Variants in MAP3K4 observed in about 807,000 individuals in gnomAD.
The protein encoded by MAP3K4 is mitogen-activated protein kinase kinase kinase 4.
In MAP3K4, 67 loss-of-function variants were observed where a neutral mutation model predicts 185.6. That is an observed-to-expected ratio of 0.36 (90% CI 0.30 to 0.44). MAP3K4 has a LOEUF of 0.44. Among genes scored for constraint, MAP3K4 ranks in the 20% least tolerant of loss-of-function variants. MAP3K4 has a pLI of 1.00. For synonymous variants in MAP3K4, 702 were observed against 710.4 expected (o/e 0.99, Z 0.19); for missense variants, 1,551 against 1,995.1 (o/e 0.78, Z 4.24).
chr6:161,004,237 A>G (rs926121687), intron 1 of MAP3K4, among the ~76,000 whole-genome samples: 1 of 152,150 alleles, frequency 6.6e-6, no homozygotes, highest in Non-Finnish European at 1.5e-5. Context: ...ATTTAAAAAC[A>G]AAGCTGAAAT....
rs144908327 is a variant in MAP3K4 at position 161,065,425 on chromosome 6, C to T, written c.1708-5183C>T. The stretch of plus-strand genomic sequence containing the variant: ...TCCTGCACTGCACTGTCCCTTTCTC[C>T]GCTCACTGGTTTTATTGTAATAATT... On this transcript the variant is annotated intron_variant, in intron 3 of 26. Transcript: ENST00000392142. Among the ~76,000 whole-genome samples the T allele has an allele frequency of 3.3e-5, 5 of 152,232 alleles. No individual in the cohort carries two copies. The East Asian group carries it at 5.8e-4, about 18-fold the overall frequency.
chr6:161,014,710 A>T (rs1782004563), intron 1 of MAP3K4, among the ~76,000 whole-genome samples: 1 of 152,184 alleles, frequency 6.6e-6, no homozygotes, highest in African/African-American at 2.4e-5. Flanking sequence ...AGAGAACTAT[A>T]ACAGTAGGGC....
Position 161,077,598 on chromosome 6 carries a change from G to T in MAP3K4, c.2098-3283G>T, listed in dbSNP as rs1250195228. Among the ~76,000 whole-genome samples the T allele has an allele frequency of 6.6e-6, 1 of 152,184 alleles. No individual in the cohort carries two copies. Among genetic ancestry groups the T allele is most frequent in the Non-Finnish European group, 1.5e-5 (1 of 68,030 alleles). On this transcript the variant is annotated intron_variant, in intron 5 of 26. Coordinates refer to ENST00000392142, the MANE Select transcript of MAP3K4 (RefSeq NM_005922.4). This position sits in a 1 kb window ranked among gnomAD's most constrained non-coding sequence, Gnocchi z 4.3. The stretch of plus-strand genomic sequence containing the variant: ...GCAGATGTGAGAGGAACAGTTCAAG[G>T]CCATTCCAGGAATGCACATGCAAGT...
In MAP3K4 at chr6:161,082,770, G is replaced by C. The variant is rs1162691702; in HGVS notation, c.2256-1731G>C. The stretch of plus-strand genomic sequence containing the variant: ...GCACTCCACACTTCCACTCTTCCCA[G>C]GTTGTCATTTCTCACGTATGTTATT... On this transcript the variant is annotated intron_variant, in intron 6 of 26. Transcript: ENST00000392142. This position sits in a 1 kb window ranked among gnomAD's most constrained non-coding sequence, Gnocchi z 4.2. Among the ~76,000 whole-genome samples, 1 of 152,172 alleles carries C rather than the reference G, an allele frequency of 6.6e-6. No homozygotes were observed. Among genetic ancestry groups the C allele is most frequent in the East Asian group, 1.9e-4 (1 of 5,168 alleles).
rs779488148 is a variant in MAP3K4, at chr6:161,106,265, G to A, written c.3857-249G>A. Among the ~76,000 whole-genome samples the A allele has an allele frequency of 2.0e-5, 3 of 152,122 alleles. No homozygotes were observed. Among genetic ancestry groups the A allele is most frequent in the Non-Finnish European group, 4.4e-5 (3 of 68,020 alleles). ...ATATTACTGCAAGATTTTAGCCAAC[G>A]TTCTTGGGAAAGGAAATCATTTTTG... On this transcript the variant is annotated intron_variant, in intron 19 of 26. Coordinates refer to ENST00000392142, the MANE Select transcript of MAP3K4 (RefSeq NM_005922.4). This position sits in a 1 kb window ranked among gnomAD's most constrained non-coding sequence, Gnocchi z 4.9.
At chr6:161,078,477 A>G (rs781179857) in intron 5 of MAP3K4, among the ~76,000 whole-genome samples, 7 of 152,262 alleles carry the variant, frequency 4.6e-5, no homozygotes, top group Non-Finnish European at 8.8e-5. Context: ...TGTGAGTTGC[A>G]GAAAGATGAG....
intron 1 of MAP3K4, among the ~76,000 whole-genome samples, chr6:161,032,459 T>C (rs1782974287): frequency 6.6e-6 from 1 of 152,206 alleles, no homozygotes; most frequent in Non-Finnish European, 1.5e-5. Flanking sequence ...TATTTATAAG[T>C]CTAAGTATTT....
Position 161,108,510 on chromosome 6 carries a change from A to T in MAP3K4, c.4120-233A>T, listed in dbSNP as rs1158018768. 6.6e-6 allele frequency among the ~76,000 whole-genome samples: 1 copy of T among 151,754 alleles called. No homozygotes were observed. Among genetic ancestry groups the T allele is most frequent in the Non-Finnish European group, 1.5e-5 (1 of 67,956 alleles). On this transcript the variant is annotated intron_variant, in intron 21 of 26. Coordinates refer to ENST00000392142, the MANE Select transcript of MAP3K4 (RefSeq NM_005922.4). The surrounding 1 kb of genome is among the most constrained non-coding windows in gnomAD (Gnocchi z 5.7). Reference sequence around the variant, plus strand: ...CGTCCTCCTCCACATGGCGCTCCTCACTCCCTCTCGGAGCAGGGCCTCTTC... The same window carrying T: ...CGTCCTCCTCCACATGGCGCTCCTCTCTCCCTCTCGGAGCAGGGCCTCTTC...
At chr6:161,005,183 G>C (rs889455528) in intron 1 of MAP3K4, among the ~76,000 whole-genome samples, 12 of 150,148 alleles carry the variant, frequency 8.0e-5, no homozygotes, top group African/African-American at 2.7e-4. Flanking sequence ...CTGTTGTCCA[G>C]GCTGGGGTGC....
In MAP3K4 at chr6:161,048,584, T is replaced by C. The variant is rs759196228; in HGVS notation, c.344-32T>C. The C allele has an allele frequency of 8.6e-6, 12 of 1,389,430 alleles. No individual in the cohort carries two copies. Among genetic ancestry groups the C allele is most frequent in the African/African-American group, 1.5e-5 (1 of 68,118 alleles). The allele number at this position is 1,389,430 out of a possible 1,614,324, so 86.1% of individuals were successfully genotyped here. On this transcript the variant is annotated intron_variant, in intron 2 of 26. Transcript: ENST00000392142. The surrounding 1 kb of genome is among the most constrained non-coding windows in gnomAD (Gnocchi z 4.7). Reference sequence around the variant, plus strand: ...AGAGTAGCTTCATATTTTAGAGTTATATAATGTTCTGTTTATTTTTTTTTT... The same window carrying C: ...AGAGTAGCTTCATATTTTAGAGTTACATAATGTTCTGTTTATTTTTTTTTT...
chr6:161,042,771 C>T (rs1349537343), intron 2 of MAP3K4, among the ~76,000 whole-genome samples: 1 of 152,134 alleles, frequency 6.6e-6, no homozygotes, highest in East Asian at 1.9e-4. Flanking sequence ...AGCCAAAACC[C>T]TTTCCAGGGC....
rs773208402 is a variant in MAP3K4, at chr6:161,087,885, C to T, written c.2754C>T (p.Gly918=). 4 of 1,614,004 alleles carry T rather than the reference C, an allele frequency of 2.5e-6. No homozygotes were observed. Among genetic ancestry groups the T allele is most frequent in the South Asian group, 2.2e-5 (2 of 91,072 alleles). Residue 918 remains glycine, a synonymous_variant, in exon 10 of 27, where the codon GGC becomes GGT. Transcript: ENST00000392142. The surrounding 1 kb of genome is among the most constrained non-coding windows in gnomAD (Gnocchi z 4.9). The part of the protein sequence containing the change: ...DRARDSEDSW[G]TWEAQPVKVV... ...CCCGTGATTCAGAGGACAGCTGGGG[C>T]ACCTGGGAGGCACAGCCTGTCAAAG...
At chr6:161,045,268 C>A (rs1480460409) in intron 2 of MAP3K4, among the ~76,000 whole-genome samples, 1 of 152,128 alleles carries the variant, frequency 6.6e-6, no homozygotes, top group Non-Finnish European at 1.5e-5. Context: ...TTGCTCCTTT[C>A]CCAATTTGCT....
chr6:161,045,435 G>C (rs1332785323), intron 2 of MAP3K4, among the ~76,000 whole-genome samples: 2 of 152,176 alleles, frequency 1.3e-5, no homozygotes, highest in African/African-American at 4.8e-5. Context: ...CAGGCTTGCT[G>C]AAATGAGATT....
chr6:161,005,463 A>G (rs770163704), intron 1 of MAP3K4, among the ~76,000 whole-genome samples: 1 of 152,104 alleles, frequency 6.6e-6, no homozygotes, highest in Non-Finnish European at 1.5e-5. Context: ...GTGTTTAATA[A>G]TCAGTGTTTT....
rs1785034262 is a variant in MAP3K4 at position 161,073,404 on chromosome 6, T to A, written c.1951-62T>A. 2 of 1,465,328 alleles carry A rather than the reference T, an allele frequency of 1.4e-6. No individual in the cohort carries two copies. The highest frequency in any genetic ancestry group is 1.8e-6 in the Non-Finnish European group (2 of 1,102,486). 90.8% of individuals were successfully genotyped at this position (1,465,328 alleles called of 1,614,324 possible). A position where few individuals can be genotyped will look rare whatever the true frequency, so the allele number is the denominator to read the frequency against. ...TTTTGAAGATTTAAGTAGGAAGATA[T>A]AAAACACGGATCGTCTGGTTGGAGT... On this transcript the variant is annotated intron_variant, in intron 4 of 26. Transcript: ENST00000392142. The surrounding 1 kb of genome is among the most constrained non-coding windows in gnomAD (Gnocchi z 4.2).
rs1785074575 is a variant in MAP3K4, at chr6:161,074,337, C to G, written c.2097+725C>G. Among the ~76,000 whole-genome samples the G allele has an allele frequency of 1.3e-5, 2 of 152,140 alleles. No homozygotes were observed. The highest frequency in any genetic ancestry group is 4.8e-5 in the African/African-American group (2 of 41,406). On this transcript the variant is annotated intron_variant, in intron 5 of 26. Coordinates refer to ENST00000392142, the MANE Select transcript of MAP3K4 (RefSeq NM_005922.4). The surrounding 1 kb of genome is among the most constrained non-coding windows in gnomAD (Gnocchi z 5.0). Reference sequence around the variant, plus strand: ...GTCTTCTCACTTACACTGAATGTGCCCTGTGCTTTTAACCTCTGTTCACAT... The same window carrying G: ...GTCTTCTCACTTACACTGAATGTGCGCTGTGCTTTTAACCTCTGTTCACAT...
chr6:161,040,330 TACAC>T (rs1178761304), intron 2 of MAP3K4, among the ~76,000 whole-genome samples: 2 of 152,158 alleles, frequency 1.3e-5, no homozygotes, highest in Admixed American at 6.5e-5. Context: ...GTGTGCAACC[TACAC>T]ACACACAGAT....
In MAP3K4 at chr6:160,991,837, G is replaced by A; in HGVS notation, c.-95G>A. 7.5e-7 allele frequency: 1 copy of A among 1,338,976 alleles called. No individual in the cohort carries two copies. Among genetic ancestry groups the A allele is most frequent in the Non-Finnish European group, 9.6e-7 (1 of 1,040,074 alleles). 82.9% of individuals were successfully genotyped at this position (1,338,976 alleles called of 1,614,324 possible). A position where few individuals can be genotyped will look rare whatever the true frequency, so the allele number is the denominator to read the frequency against. On this transcript the variant is annotated 5_prime_UTR_variant, in exon 1 of 27. Coordinates refer to ENST00000392142, the MANE Select transcript of MAP3K4 (RefSeq NM_005922.4). The surrounding 1 kb of genome is among the most constrained non-coding windows in gnomAD (Gnocchi z 5.7). ...CTCCTGCGGCGGGGTAGAGGCGGAG[G>A]CGGAGTCGAGTCACTCCCGCACTTC...
Sources: allele counts gnomAD v4.1 joint callset (sites outside exome capture counted in the v4.1 genomes callset), GRCh38; gene constraint gnomAD v4.1.1; non-coding constraint Gnocchi (gnomAD v3.1); transcripts MANE v1.5; gene names NCBI Gene and HGNC (gene_info 2026-07-23, HGNC 2026-07-21).